ARMC9: variants seen among roughly 807,000 people sequenced by gnomAD.
ARMC9 encodes the protein armadillo repeat containing 9.
In ARMC9, 94 loss-of-function variants were observed where a neutral mutation model predicts 107.0. That is an observed-to-expected ratio of 0.88 (90% CI 0.74 to 1.04). The LOEUF is 1.04. ARMC9 is among the 50% of genes least tolerant of loss of function. The pLI is 0.00. For missense variants in ARMC9, 942 were observed against 1,030.1 expected (o/e 0.91, Z 1.17); for synonymous variants, 380 against 396.9 (o/e 0.96, Z 0.51).
chr2:231,315,902 C>T (rs949156185), intron 19 of ARMC9, among the ~76,000 whole-genome samples: 1 of 152,154 alleles, frequency 6.6e-6, no homozygotes, highest in Admixed American at 6.5e-5. Flanking sequence ...TTTAATAACT[C>T]TACTAACTTT....
intron 9 of ARMC9, among the ~76,000 whole-genome samples, chr2:231,254,650 C>G (rs2037595398): frequency 7.0e-6 from 1 of 142,996 alleles, no homozygotes; most frequent in South Asian, 2.2e-4. Flanking sequence ...GAGACCCTAT[C>G]TATAAAAAAA....
chr2:231,279,702 G>A (rs1438456738), intron 16 of ARMC9, among the ~76,000 whole-genome samples: 2 of 151,770 alleles, frequency 1.3e-5, no homozygotes, highest in African/African-American at 4.8e-5. Context: ...AGTAGAGACG[G>A]TGTTTCACCA....
chr2:231,252,520 G>C (rs1221057468), intron 9 of ARMC9, among the ~76,000 whole-genome samples: 1 of 152,194 alleles, frequency 6.6e-6, no homozygotes, highest in Non-Finnish European at 1.5e-5. Context: ...AAAGTACTGG[G>C]ATTACAGGCA....
intron 14 of ARMC9, among the ~76,000 whole-genome samples, chr2:231,273,790 C>A (rs553648843): frequency 1.8e-4 from 28 of 152,218 alleles, no homozygotes; most frequent in African/African-American, 6.7e-4. Flanking sequence ...ATTAAGCATA[C>A]AATTGAAGGA....
intron 1 of ARMC9, among the ~76,000 whole-genome samples, chr2:231,202,659 A>G (rs1368631437): frequency 6.6e-6 from 1 of 152,008 alleles, no homozygotes; most frequent in East Asian, 1.9e-4. Flanking sequence ...GTCTTTGCTC[A>G]GCACCCATAT....
At position 231,208,179 on chromosome 2, in the gene ARMC9, G is replaced by A. The variant is rs1439305700; in HGVS notation, c.104G>A (p.Cys35Tyr). 4 of 1,608,084 alleles carry A rather than the reference G, an allele frequency of 2.5e-6. No individual in the cohort carries two copies. Among genetic ancestry groups the A allele is most frequent in the South Asian group, 2.2e-5 (2 of 89,890 alleles). The part of the protein sequence containing the change: ...EDTLKTFSKE[C>Y]KIKGKPLCKT... Reference sequence around the variant, plus strand: ...ACCTTGAAAACATTTTCAAAAGAATGCAAAATAAAAGGAAAACCATTGTGT... The same window carrying A: ...ACCTTGAAAACATTTTCAAAAGAATACAAAATAAAAGGAAAACCATTGTGT... The change falls in exon 3 of 25, where the codon TGC becomes TAC. Residue 35 changes from cysteine to tyrosine, a missense_variant. Physicochemically the swap from Cys to Tyr is radical, Grantham distance 194 (BLOSUM62 -2). Transcript: ENST00000611582.
At chr2:231,261,366 G>A (rs1367973480) in intron 11 of ARMC9, among the ~76,000 whole-genome samples, 2 of 152,170 alleles carry the variant, frequency 1.3e-5, no homozygotes, top group East Asian at 3.9e-4. Context: ...CAGACTTATG[G>A]CTTTCTAAAA....
intron 6 of ARMC9, 27 bp downstream of exon 6, chr2:231,222,847 A>C (rs2034284254): frequency 6.9e-7 from 1 of 1,459,774 alleles, no homozygotes; most frequent in Admixed American, 1.9e-5. Flanking sequence ...AATAGAGACC[A>C]CCTATGGTTT....
At chr2:231,294,087 G>T (rs1038129355) in intron 18 of ARMC9, 1 of 152,164 alleles carries the variant, frequency 6.6e-6, no homozygotes, top group African/African-American at 2.4e-5. Flanking sequence ...GTTTTCACAC[G>T]TCCAAGTCCA....
chr2:231,234,063 TTTATAA>T (rs1245873791), intron 7 of ARMC9, among the ~76,000 whole-genome samples: 3 of 152,226 alleles, frequency 2.0e-5, no homozygotes, highest in African/African-American at 4.8e-5. Context: ...AGCCCAGGTC[TTTATAA>T]TTTTAAAATA....
rs557581032 is a variant in ARMC9, at chr2:231,363,449, T to TG, written c.2261+2569dup. On this transcript the variant is annotated intron_variant, in intron 23 of 24. Coordinates refer to ENST00000611582, the MANE Select transcript of ARMC9 (RefSeq NM_001352754.2). ...CCAGGAAGCCCTTGGGGCAGAGGTC[T>TG]GGGTCAGTGGTAGACTGAATGATGG... is the stretch of plus-strand genomic sequence containing the variant. Among the ~76,000 whole-genome samples, 90 of 152,186 alleles carry TG rather than the reference T, an allele frequency of 5.9e-4. 1 individual carries two copies. The highest frequency in any genetic ancestry group is 2.1e-3 in the African/African-American group (87 of 41,516).
intron 20 of ARMC9, among the ~76,000 whole-genome samples, chr2:231,340,445 G>T (rs534010364): frequency 6.6e-6 from 1 of 152,250 alleles, no homozygotes; most frequent in African/African-American, 2.4e-5. Context: ...CTGTAACTGG[G>T]GGCATTTGAA....
intron 9 of ARMC9, among the ~76,000 whole-genome samples, chr2:231,249,301 C>T (rs1468959896): frequency 6.6e-6 from 1 of 152,180 alleles, no homozygotes; most frequent in Non-Finnish European, 1.5e-5. Flanking sequence ...CAGTGAGATT[C>T]CCAGCACAGC....
At chr2:231,314,416 T>C (rs1295875239) in intron 19 of ARMC9, among the ~76,000 whole-genome samples, 1 of 152,218 alleles carries the variant, frequency 6.6e-6, no homozygotes, top group Non-Finnish European at 1.5e-5. Flanking sequence ...AAAAGTTTTT[T>C]ATTTTGATGA....
At chr2:231,314,410 G>A (rs2042546865) in intron 19 of ARMC9, among the ~76,000 whole-genome samples, 1 of 152,252 alleles carries the variant, frequency 6.6e-6, no homozygotes, top group East Asian at 1.9e-4. Context: ...ATTTGTAAAA[G>A]TTTTTTATTT....
At chr2:231,249,993 C>T (rs1024626291) in intron 9 of ARMC9, among the ~76,000 whole-genome samples, 2 of 149,776 alleles carry the variant, frequency 1.3e-5, no homozygotes, top group African/African-American at 4.9e-5. Flanking sequence ...ACCGCCCACC[C>T]GTGCACACCT....
chr2:231,202,717 A>T (rs2031263285), intron 1 of ARMC9, among the ~76,000 whole-genome samples: 1 of 152,072 alleles, frequency 6.6e-6, no homozygotes, highest in Admixed American at 6.5e-5. Context: ...CTTAAACTCC[A>T]GGCTCATATA....
chr2:231,361,802 C>T (rs533104386), intron 23 of ARMC9, among the ~76,000 whole-genome samples: 2 of 152,046 alleles, frequency 1.3e-5, no homozygotes, highest in South Asian at 4.2e-4. Context: ...TGGGGGCCCC[C>T]GGAGAGGACA....
At chr2:231,366,857 AT>A (rs900272982) in intron 23 of ARMC9, among the ~76,000 whole-genome samples, 36 of 145,542 alleles carry the variant, frequency 2.5e-4, no homozygotes, top group East Asian at 1.5e-3. Flanking sequence ...AACCAAACAA[AT>A]TTTTTTTTTT....
Sources: allele counts gnomAD v4.1 joint callset (sites outside exome capture counted in the v4.1 genomes callset), GRCh38; gene constraint gnomAD v4.1.1; transcripts MANE v1.5; gene names NCBI Gene and HGNC (gene_info 2026-07-23, HGNC 2026-07-21).